AOPEP: variants seen among roughly 807,000 people sequenced by gnomAD.
The protein encoded by AOPEP is aminopeptidase O (putative), also known as aminopeptidase O.
A neutral mutation model predicts 98.1 loss-of-function variants in AOPEP; 77 were observed. The ratio of observed to expected loss-of-function variants is 0.78; its 90% CI spans 0.65 to 0.95. The LOEUF (loss-of-function observed/expected upper bound fraction) is 0.95. AOPEP is among the 40% of genes least tolerant of loss of function. The probability of loss-of-function intolerance (pLI) is 0.00; values close to 1 mark genes in which losing one functional copy is unlikely to be tolerated. For missense variants in AOPEP, 1,024 were observed against 1,024.7 expected, an observed-to-expected ratio of 1.00 and a Z score of 0.01; for synonymous variants, 346 against 365.3, an observed-to-expected ratio of 0.95 and a Z score of 0.60.
intron 13 of AOPEP, among the ~76,000 whole-genome samples, chr9:95,029,176 A>C (rs1391579140): frequency 6.6e-6 from 1 of 152,000 alleles, no homozygotes; most frequent in Non-Finnish European, 1.5e-5. Flanking sequence ...GTCACCGTGC[A>C]CTCTCTTGGG....
intron 11 of AOPEP, among the ~76,000 whole-genome samples, chr9:94,993,429 TAA>T (rs1452648625): frequency 6.6e-6 from 1 of 152,124 alleles, no homozygotes; most frequent in African/African-American, 2.4e-5. Flanking sequence ...TTGCTGCTTT[TAA>T]AAAAACAAAC....
intron 11 of AOPEP, among the ~76,000 whole-genome samples, chr9:94,999,962 G>T (rs1226522896): frequency 1.3e-5 from 2 of 152,156 alleles, no homozygotes; most frequent in Non-Finnish European, 2.9e-5. Context: ...GTGAGCTCAG[G>T]TTATGGTTAC....
Position 95,083,859 on chromosome 9 carries a change from T to C in AOPEP, c.*4+1140T>C, listed in dbSNP as rs2070234603. ...GCGGAATTTCTCCCCTGGCTTCTAT[T>C]GGAGTCCTAGATTATTTAAATCACT... On this transcript the variant is annotated intron_variant, in intron 16 of 16. Transcript: ENST00000375315. 2.0e-5 allele frequency among the ~76,000 whole-genome samples: 3 copies of C among 152,246 alleles called. No homozygotes were observed. The South Asian group carries it at 6.2e-4, about 31-fold the overall frequency.
At chr9:94,785,930 C>T (rs999779269) in intron 3 of AOPEP, among the ~76,000 whole-genome samples, 1 of 152,202 alleles carries the variant, frequency 6.6e-6, no homozygotes. Context: ...CTGTCATTCT[C>T]CTTTAAATGG....
chr9:95,108,278 G>A, the AOPEP span, among the ~76,000 whole-genome samples: 460 of 152,326 alleles, frequency 3.0e-3, 8 homozygotes, highest in South Asian at 0.039. Flanking sequence ...CACGGGGAGC[G>A]GCAGCGCTCC....
intron 9 of AOPEP, among the ~76,000 whole-genome samples, chr9:94,957,159 C>G (rs2058516627): frequency 6.6e-6 from 1 of 152,138 alleles, no homozygotes; most frequent in Non-Finnish European, 1.5e-5. Context: ...GGAACTCTTA[C>G]TGCTCTCTTA....
the AOPEP span, among the ~76,000 whole-genome samples, chr9:95,140,469 G>C: frequency 6.8e-6 from 1 of 146,448 alleles, no homozygotes; most frequent in East Asian, 2.0e-4. Flanking sequence ...TATTTTTATA[G>C]CTACAAAAAA....
chr9:95,135,997 T>C, the AOPEP span, among the ~76,000 whole-genome samples: 1 of 152,230 alleles, frequency 6.6e-6, no homozygotes, highest in Non-Finnish European at 1.5e-5. Flanking sequence ...CACAGTGTTC[T>C]TGTAATGCAA....
At chr9:94,805,661 A>G (rs1377087187) in intron 5 of AOPEP, among the ~76,000 whole-genome samples, 1 of 152,206 alleles carries the variant, frequency 6.6e-6, no homozygotes, top group Non-Finnish European at 1.5e-5. Flanking sequence ...TGATTGTGCA[A>G]TAAAAGACTT....
At chr9:94,960,108 C>A (rs1358729582) in intron 9 of AOPEP, among the ~76,000 whole-genome samples, 2 of 152,082 alleles carry the variant, frequency 1.3e-5, no homozygotes, top group African/African-American at 4.8e-5. Context: ...AGTTTATTCA[C>A]TACTGTAAAA....
intron 5 of AOPEP, among the ~76,000 whole-genome samples, chr9:94,906,922 T>G (rs1466529005): frequency 5.3e-5 from 8 of 152,214 alleles, no homozygotes; most frequent in Non-Finnish European, 1.5e-5. Flanking sequence ...AATCACCTGG[T>G]GACCCACAGA....
At chr9:94,812,823 C>G (rs950789732) in intron 5 of AOPEP, among the ~76,000 whole-genome samples, 1 of 152,104 alleles carries the variant, frequency 6.6e-6, no homozygotes, top group African/African-American at 2.4e-5. Flanking sequence ...GTTTTACAAG[C>G]AAAAGCATCA....
chr9:95,092,792 G>C, the AOPEP span, among the ~76,000 whole-genome samples: 6 of 152,154 alleles, frequency 3.9e-5, no homozygotes, highest in South Asian at 2.1e-4. Flanking sequence ...AGGTCTGACA[G>C]AACAGAAGTG....
the AOPEP span, chr9:95,126,835 G>A: frequency 1.1e-5 from 5 of 470,934 alleles, no homozygotes; most frequent in Non-Finnish European, 2.0e-5. Flanking sequence ...TTCTATAAAA[G>A]CTCAGGCGAT....
intron 13 of AOPEP, among the ~76,000 whole-genome samples, chr9:95,041,595 T>G (rs749492467): frequency 1.3e-5 from 2 of 152,004 alleles, no homozygotes; most frequent in Non-Finnish European, 2.9e-5. Flanking sequence ...TAGGGGTAAA[T>G]AAAACATCAC....
intron 5 of AOPEP, among the ~76,000 whole-genome samples, chr9:94,902,608 T>C (rs1388914495): frequency 6.6e-6 from 1 of 152,206 alleles, no homozygotes; most frequent in Non-Finnish European, 1.5e-5. Context: ...TCTGTCTCAT[T>C]TGTCACAATT....
At chr9:94,759,252 C>T (rs1182360389) in intron 1 of AOPEP, among the ~76,000 whole-genome samples, 1 of 152,180 alleles carries the variant, frequency 6.6e-6, no homozygotes. Context: ...ACACTTGTTA[C>T]TTGGAATCAC....
At chr9:94,902,230 A>G (rs181314219) in intron 5 of AOPEP, among the ~76,000 whole-genome samples, 10 of 152,306 alleles carry the variant, frequency 6.6e-5, no homozygotes, top group Admixed American at 6.5e-4. Context: ...AGGGTGAGGA[A>G]GGGTTAACAG....
At chr9:95,049,006 A>G (rs1184582109) in intron 13 of AOPEP, 1 of 152,284 alleles carries the variant, frequency 6.6e-6, no homozygotes, top group Non-Finnish European at 1.5e-5. Flanking sequence ...AGCCTGCTCT[A>G]GACTCCGGCT....
Sources: gnomAD v4.1 joint callset for allele counts (sites outside exome capture counted in the v4.1 genomes callset) on GRCh38, gnomAD v4.1.1 for gene constraint, MANE v1.5 for transcripts, NCBI Gene and HGNC (gene_info 2026-07-23, HGNC 2026-07-21) for gene names.